Variants in UBE2K observed in about 807,000 individuals in gnomAD.
The protein encoded by UBE2K is ubiquitin conjugating enzyme E2 K, also known as ubiquitin-conjugating enzyme E2 K.
Under a neutral mutation model 30.0 loss-of-function variants are expected in UBE2K, and 6 were observed. The observed-to-expected ratio is 0.20, with a 90% CI of 0.11 to 0.39. UBE2K has a LOEUF of 0.39. Among genes scored for constraint, UBE2K ranks in the 10% least tolerant of loss-of-function variants. The probability of loss-of-function intolerance (pLI) is 1.00; values close to 1 mark genes in which losing one functional copy is unlikely to be tolerated. For missense variants in UBE2K, 61 were observed against 241.6 expected (o/e 0.25, Z 4.96); for synonymous variants, 86 against 83.7 (o/e 1.03, Z -0.15).
In UBE2K at chr4:39,739,448, T is replaced by C. The variant is rs1057287513; in HGVS notation, c.157+1935T>C. ...ATACCAATTCTGTTTATTCATTTTT[T>C]TTTTTTTTTTTTTTGGGAGACAGAG... On this transcript the variant is annotated intron_variant, in intron 2 of 6. Coordinates refer to ENST00000261427, the MANE Select transcript of UBE2K (RefSeq NM_005339.5). 2.1e-5 allele frequency among the ~76,000 whole-genome samples: 3 copies of C among 144,852 alleles called. No individual in the cohort carries two copies. In the East Asian group the frequency reaches 6.0e-4, roughly 29 times the overall value.
chr4:39,706,068 G>T (rs1718343162), intron 1 of UBE2K, among the ~76,000 whole-genome samples: 1 of 152,172 alleles, frequency 6.6e-6, no homozygotes, highest in Non-Finnish European at 1.5e-5. Flanking sequence ...CTGGAGTGCA[G>T]TGGCGCTATC....
At position 39,714,548 on chromosome 4, in the gene UBE2K, A is replaced by ATT. The variant is rs1168820129; in HGVS notation, c.63+16159_63+16160insTT. The ATT allele has an allele frequency of 3.9e-3, 96 of 24,672 alleles. 4 individuals carry two copies. The highest frequency in any genetic ancestry group is 0.025 in the Middle Eastern group (1 of 40). The allele number at this position is 24,672 out of a possible 1,614,324, so 1.5% of individuals were successfully genotyped here. On this transcript the variant is annotated intron_variant, in intron 1 of 6. Transcript: ENST00000261427. ...TATATATATATATATATATATATAT[A>ATT]TATTTTTTTTTTTTTTTAAGACTGA...
intron 4 of UBE2K, among the ~76,000 whole-genome samples, chr4:39,772,666 ATACC>A (rs1175454664): frequency 2.0e-5 from 3 of 151,670 alleles, no homozygotes; most frequent in Non-Finnish European, 2.9e-5. Flanking sequence ...ATATTTATAC[ATACC>A]TCTATTAATT....
chr4:39,743,070 C>A (rs1401793470), intron 2 of UBE2K, among the ~76,000 whole-genome samples: 1 of 151,252 alleles, frequency 6.6e-6, no homozygotes, highest in Non-Finnish European at 1.5e-5. Flanking sequence ...GAGAAGGATT[C>A]GAAACAAAAA....
chr4:39,747,915 C>T (rs1331255118), intron 3 of UBE2K, among the ~76,000 whole-genome samples: 1 of 151,902 alleles, frequency 6.6e-6, no homozygotes, highest in East Asian at 1.9e-4. Flanking sequence ...AATTCTCCTG[C>T]CTCAGCCTCC....
chr4:39,771,113 A>G (rs1417413644), intron 4 of UBE2K: 10 of 1,612,292 alleles, frequency 6.2e-6, no homozygotes, highest in South Asian at 1.1e-5. Context: ...ATCTGCAGGT[A>G]GGAGGTGGCT....
intron 1 of UBE2K, among the ~76,000 whole-genome samples, chr4:39,713,051 G>A (rs546048614): frequency 5.3e-5 from 8 of 151,330 alleles, no homozygotes; most frequent in Non-Finnish European, 7.4e-5. Flanking sequence ...TTTTAGTAGA[G>A]ACGGGTTTTG....
intron 1 of UBE2K, among the ~76,000 whole-genome samples, chr4:39,723,638 G>A (rs1719558702): frequency 6.6e-6 from 1 of 152,144 alleles, no homozygotes; most frequent in Non-Finnish European, 1.5e-5. Flanking sequence ...AAAGTGCTAG[G>A]ATTACAGGCG....
At chr4:39,730,515 A>G (rs999200591) in intron 1 of UBE2K, among the ~76,000 whole-genome samples, 2 of 152,036 alleles carry the variant, frequency 1.3e-5, no homozygotes, top group Non-Finnish European at 2.9e-5. Context: ...TTAGCCTGTA[A>G]TCCCAGCACT....
intron 1 of UBE2K, among the ~76,000 whole-genome samples, chr4:39,725,906 G>A (rs1719729743): frequency 6.6e-6 from 1 of 151,994 alleles, no homozygotes; most frequent in Admixed American, 6.6e-5. Flanking sequence ...GCCTTCCAAA[G>A]TGTTGGGATT....
chr4:39,782,017 A>AAT lies in UBE2K; in HGVS notation c.*3587_*3588dup. 1 of 398,324 alleles carries AAT rather than the reference A, an allele frequency of 2.5e-6. No individual in the cohort carries two copies. Among genetic ancestry groups the AAT allele is most frequent in the Non-Finnish European group, 4.4e-6 (1 of 225,820 alleles). 24.7% of individuals were successfully genotyped at this position (398,324 alleles called of 1,614,324 possible). On this transcript the variant is annotated 3_prime_UTR_variant, in exon 7 of 7. Transcript: ENST00000261427. Reference sequence around the variant, plus strand: ...TCACACGTTCTATTTGCACTGCTGCAATATAGATCAAAGATCTTGTGGCAT... The same window carrying AAT: ...TCACACGTTCTATTTGCACTGCTGCAATATATAGATCAAAGATCTTGTGGCAT...
At chr4:39,748,259 C>G (rs1050740172) in intron 3 of UBE2K, among the ~76,000 whole-genome samples, 1 of 152,140 alleles carries the variant, frequency 6.6e-6, no homozygotes. Flanking sequence ...GGGTCTTACT[C>G]TGTTGCTCAG....
chr4:39,762,636 C>T (rs1369791432), intron 4 of UBE2K, among the ~76,000 whole-genome samples: 2 of 152,166 alleles, frequency 1.3e-5, no homozygotes, highest in Non-Finnish European at 2.9e-5. Flanking sequence ...TTGCCACATA[C>T]TTTTAAAACA....
At chr4:39,731,506 C>A (rs190405117) in intron 1 of UBE2K, among the ~76,000 whole-genome samples, 1 of 152,052 alleles carries the variant, frequency 6.6e-6, no homozygotes, top group African/African-American at 2.4e-5. Flanking sequence ...ATGATGAAAC[C>A]TTGTCTCTAG....
chr4:39,742,099 C>A (rs1406588208), intron 2 of UBE2K, among the ~76,000 whole-genome samples: 1 of 151,946 alleles, frequency 6.6e-6, no homozygotes, highest in African/African-American at 2.4e-5. Flanking sequence ...TGGGCCCTCA[C>A]ACTGCTCCTA....
chr4:39,711,303 C>G (rs1294768963), intron 1 of UBE2K, among the ~76,000 whole-genome samples: 1 of 151,176 alleles, frequency 6.6e-6, no homozygotes, highest in Non-Finnish European at 1.5e-5. Context: ...TCTGGGACTA[C>G]AGGCGCCCGC....
At chr4:39,703,461 TGTGATCATGTGACCGCACTTTAGCCTGG>T (rs1482967609) in intron 1 of UBE2K, among the ~76,000 whole-genome samples, 2 of 152,086 alleles carry the variant, frequency 1.3e-5, no homozygotes, top group East Asian at 3.9e-4. Flanking sequence ...TGCAGTGAAT[TGTGATCATGTGACCGCACTTTAGCCTGG>T]GCATCAGCGA....
rs779721399 is a variant in UBE2K at position 39,774,971 on chromosome 4, G to T, written c.399+38G>T. 15 of 1,426,686 alleles carry T rather than the reference G, an allele frequency of 1.1e-5. No homozygotes were observed. In the Middle Eastern group the frequency reaches 1.9e-3, roughly 184 times the overall value. The allele number at this position is 1,426,686 out of a possible 1,614,324, so 88.4% of individuals were successfully genotyped here. On this transcript the variant is annotated intron_variant, in intron 5 of 6. Coordinates refer to ENST00000261427, the MANE Select transcript of UBE2K (RefSeq NM_005339.5). ...CTTTTGAAAGACTTTCTTATATTAT[G>T]TATGAGTCTCTAGCCACTTCAGTGG...
At chr4:39,737,268 TG>T in intron 1 of UBE2K, 151 bp from the exon 2 acceptor site, 1 of 459,874 alleles carries the variant, frequency 2.2e-6, no homozygotes, top group South Asian at 5.2e-5. Context: ...TTCTTAAAAC[TG>T]GATAATTAAG....
Sources: gnomAD v4.1 joint callset for allele counts (sites outside exome capture counted in the v4.1 genomes callset) on GRCh38, gnomAD v4.1.1 for gene constraint, MANE v1.5 for transcripts, NCBI Gene and HGNC (gene_info 2026-07-23, HGNC 2026-07-21) for gene names.